Variants in CAMTA1 observed in about 807,000 individuals in gnomAD.
CAMTA1 encodes the protein calmodulin binding transcription activator 1, also known as calmodulin-binding transcription activator 1.
A neutral mutation model predicts 170.9 loss-of-function variants in CAMTA1; 27 were observed. The observed-to-expected ratio is 0.16, with a 90% CI of 0.12 to 0.22. CAMTA1 has a LOEUF of 0.22. Among genes scored for constraint, CAMTA1 ranks in the 10% least tolerant of loss-of-function variants. The pLI, the probability that CAMTA1 is intolerant of heterozygous loss-of-function variation, is 1.00. For synonymous variants in CAMTA1, 833 were observed against 891.5 expected, an observed-to-expected ratio of 0.93 and a Z score of 1.17; for missense variants, 1,619 against 2,217.2, an observed-to-expected ratio of 0.73 and a Z score of 5.42.
At chr1:7,751,083 T>C (rs556947766) in intron 19 of CAMTA1, 116 bp from the exon 20 acceptor site, 31 of 835,684 alleles carry the variant, frequency 3.7e-5, no homozygotes, top group Non-Finnish European at 4.8e-5. Flanking sequence ...GGACAGAGAA[T>C]GTGATAATAG....
At chr1:7,082,286 A>C (rs992777119) in intron 3 of CAMTA1, among the ~76,000 whole-genome samples, 1 of 152,242 alleles carries the variant, frequency 6.6e-6, no homozygotes, top group Admixed American at 6.5e-5. Flanking sequence ...AAAAATACAA[A>C]AATTAGCTGG....
At chr1:7,288,439 GATACTTAGTGAACACTGGTTGA>G (rs1672653681) in intron 5 of CAMTA1, among the ~76,000 whole-genome samples, 1 of 152,200 alleles carries the variant, frequency 6.6e-6, no homozygotes, top group South Asian at 2.1e-4. Context: ...TAGCCCAAAG[GATACTTAGTGAACACTGGTTGA>G]ATGTTCAACC....
At chr1:7,716,919 A>G (rs929027165) in intron 11 of CAMTA1, among the ~76,000 whole-genome samples, 3 of 152,226 alleles carry the variant, frequency 2.0e-5, no homozygotes, top group Non-Finnish European at 2.9e-5. Flanking sequence ...GTCTGTGTCT[A>G]CAGTGGAGTA....
chr1:7,089,255 T>G (rs1226979943), intron 3 of CAMTA1, among the ~76,000 whole-genome samples: 1 of 152,156 alleles, frequency 6.6e-6, no homozygotes, highest in African/African-American at 2.4e-5. Flanking sequence ...CTAGACAGAT[T>G]AGGTAATGTG....
chr1:7,724,780 A>G (rs1027222689), intron 11 of CAMTA1, among the ~76,000 whole-genome samples: 5 of 149,216 alleles, frequency 3.4e-5, no homozygotes, highest in African/African-American at 5.0e-5. Context: ...CCGAGATCGC[A>G]CTACTGCACT....
chr1:7,330,228 G>A (rs369030181), intron 5 of CAMTA1, among the ~76,000 whole-genome samples: 3 of 152,300 alleles, frequency 2.0e-5, no homozygotes, highest in South Asian at 4.1e-4. Flanking sequence ...AACTTACAGA[G>A]GTGGGAATAT....
intron 11 of CAMTA1, among the ~76,000 whole-genome samples, chr1:7,720,254 T>A (rs2096640773): frequency 6.6e-6 from 1 of 152,226 alleles, no homozygotes; most frequent in Non-Finnish European, 1.5e-5. Flanking sequence ...TTAAACACCT[T>A]GGTAACTAAC....
chr1:7,347,996 G>A (rs945133179), intron 5 of CAMTA1, among the ~76,000 whole-genome samples: 12 of 152,224 alleles, frequency 7.9e-5, no homozygotes, highest in Non-Finnish European at 1.8e-4. Context: ...CAGCTTAGGA[G>A]GACAGTGGTT....
At chr1:6,791,652 G>T (rs904353668) in intron 1 of CAMTA1, among the ~76,000 whole-genome samples, 2 of 152,204 alleles carry the variant, frequency 1.3e-5, no homozygotes, top group African/African-American at 4.8e-5. Context: ...AGTTTTTGGT[G>T]TGTTTGAGAG....
chr1:7,717,810 GA>G (rs979669309), intron 11 of CAMTA1, among the ~76,000 whole-genome samples: 2 of 152,114 alleles, frequency 1.3e-5, no homozygotes, highest in South Asian at 2.1e-4. Flanking sequence ...TAACTTGGCT[GA>G]AAAAAAGCCC....
intron 4 of CAMTA1, among the ~76,000 whole-genome samples, chr1:7,205,778 C>A (rs183038532): frequency 1.6e-4 from 25 of 152,218 alleles, no homozygotes; most frequent in African/African-American, 6.0e-4. Context: ...AGTAAGAAAA[C>A]CTCTTCCTAC....
intron 5 of CAMTA1, among the ~76,000 whole-genome samples, chr1:7,276,763 A>G (rs1670791133): frequency 6.6e-6 from 1 of 152,220 alleles, no homozygotes. Context: ...ACAGATGGAA[A>G]AGAAAGGAGT....
intron 7 of CAMTA1, among the ~76,000 whole-genome samples, chr1:7,650,443 C>T (rs1220717465): frequency 2.0e-5 from 3 of 152,216 alleles, no homozygotes; most frequent in African/African-American, 7.2e-5. Flanking sequence ...CCCTACCCCT[C>T]ATTGACAATG....
At chr1:7,222,908 G>T (rs1188207638) in intron 4 of CAMTA1, among the ~76,000 whole-genome samples, 2 of 152,240 alleles carry the variant, frequency 1.3e-5, no homozygotes, top group Non-Finnish European at 2.9e-5. Context: ...CAGCTGTGAG[G>T]ATCCGGGGTG....
intron 4 of CAMTA1, among the ~76,000 whole-genome samples, chr1:7,247,021 C>A (rs955576048): frequency 6.6e-6 from 1 of 152,166 alleles, no homozygotes; most frequent in African/African-American, 2.4e-5. Flanking sequence ...CCTTCTGCAG[C>A]CTGTCTTTCT....
chr1:7,703,724 G>A (rs1383432306), intron 11 of CAMTA1, among the ~76,000 whole-genome samples: 11 of 152,154 alleles, frequency 7.2e-5, no homozygotes, highest in Non-Finnish European at 1.2e-4. Context: ...AAACAAAATA[G>A]GCGGTCTCAT....
intron 6 of CAMTA1, among the ~76,000 whole-genome samples, chr1:7,566,133 A>G (rs2095038627): frequency 6.6e-6 from 1 of 152,198 alleles, no homozygotes; most frequent in Admixed American, 6.5e-5. Context: ...CACTTTGGAA[A>G]AAAAGATGGA....
chr1:6,917,529 T>G (rs945376477), intron 3 of CAMTA1, among the ~76,000 whole-genome samples: 45 of 144,838 alleles, frequency 3.1e-4, no homozygotes, highest in African/African-American at 1.1e-3. Flanking sequence ...AAAAGGAATC[T>G]GTAGGACTTG....
At chr1:7,447,446 G>A (rs1206574569) in intron 5 of CAMTA1, among the ~76,000 whole-genome samples, 1 of 151,284 alleles carries the variant, frequency 6.6e-6, no homozygotes, top group African/African-American at 2.4e-5. Context: ...TGAGGGGGTG[G>A]GGGAGCTGCT....
Sources: gnomAD v4.1 joint callset for allele counts (sites outside exome capture counted in the v4.1 genomes callset) on GRCh38, gnomAD v4.1.1 for gene constraint, MANE v1.5 for transcripts, NCBI Gene and HGNC (gene_info 2026-07-23, HGNC 2026-07-21) for gene names.